The following FSTL5 variants were observed in gnomAD, a reference collection of about 807,000 sequenced individuals.
FSTL5 encodes follistatin-related protein 5.
FSTL5 carries 62 observed loss-of-function variants against 89.1 expected under a neutral mutation model. The observed-to-expected ratio is 0.70, with a 90% CI of 0.57 to 0.86. FSTL5 has a LOEUF of 0.86. Among genes scored for constraint, FSTL5 ranks in the 40% least tolerant of loss-of-function variants. The pLI is 0.00. For synonymous variants in FSTL5, 383 were observed against 346.2 expected, an observed-to-expected ratio of 1.11 and a Z score of -1.18; for missense variants, 1,057 against 1,001.6, an observed-to-expected ratio of 1.06 and a Z score of -0.75.
At chr4:161,808,641 G>C (rs150641125) in intron 4 of FSTL5, among the ~76,000 whole-genome samples, 159 of 151,428 alleles carry the variant, frequency 1.0e-3, no homozygotes, top group Middle Eastern at 3.4e-3. Flanking sequence ...AAAAAACCCA[G>C]ATAAAATGAA....
chr4:161,661,914 AG>A (rs1231957882), intron 6 of FSTL5, among the ~76,000 whole-genome samples: 3 of 152,338 alleles, frequency 2.0e-5, no homozygotes, highest in Admixed American at 6.5e-5. Context: ...AAAGCATTAG[AG>A]AAATATCAGA....
intron 2 of FSTL5, among the ~76,000 whole-genome samples, chr4:162,061,653 G>T (rs1738721562): frequency 6.6e-6 from 1 of 151,992 alleles, no homozygotes; most frequent in African/African-American, 2.4e-5. Context: ...CAAAAATTAA[G>T]AATTTTAAGA....
intron 4 of FSTL5, among the ~76,000 whole-genome samples, chr4:161,812,145 G>A (rs549934591): frequency 2.0e-5 from 3 of 152,104 alleles, no homozygotes; most frequent in East Asian, 1.9e-4. Context: ...ATTGGTCCCC[G>A]AATTGCATTT....
intron 3 of FSTL5, among the ~76,000 whole-genome samples, chr4:162,006,275 C>A (rs11100406): frequency 0.18 from 27,521 of 151,736 alleles, 2,719 homozygotes; most frequent in East Asian, 0.31. Context: ...TAAGTGTATA[C>A]AAGGACTTTC....
At chr4:161,577,039 A>C (rs1388843183) in intron 8 of FSTL5, among the ~76,000 whole-genome samples, 1 of 152,182 alleles carries the variant, frequency 6.6e-6, no homozygotes, top group Admixed American at 6.5e-5. Flanking sequence ...TGTTATAGGA[A>C]ATCTATATCT....
intron 10 of FSTL5, among the ~76,000 whole-genome samples, chr4:161,522,634 A>G (rs557175485): frequency 2.0e-5 from 3 of 151,674 alleles, no homozygotes; most frequent in Non-Finnish European, 4.4e-5. Flanking sequence ...TAGTCAGCAA[A>G]GAAAAATTAT....
At chr4:161,415,115 A>G (rs1230599630) in intron 15 of FSTL5, among the ~76,000 whole-genome samples, 1 of 152,192 alleles carries the variant, frequency 6.6e-6, no homozygotes, top group East Asian at 1.9e-4. Context: ...CAAAAATACA[A>G]ATATCACTCA....
chr4:162,146,014 T>TCA (rs1023266861), intron 1 of FSTL5, among the ~76,000 whole-genome samples: 1 of 152,188 alleles, frequency 6.6e-6, no homozygotes, highest in Non-Finnish European at 1.5e-5. Flanking sequence ...TAAAACTATT[T>TCA]CACAGTTTCA....
intron 13 of FSTL5, among the ~76,000 whole-genome samples, chr4:161,463,429 C>A (rs1057005645): frequency 2.0e-5 from 3 of 151,966 alleles, no homozygotes; most frequent in African/African-American, 7.3e-5. Flanking sequence ...ACATTTTATA[C>A]AAGAAACATT....
At chr4:161,854,685 C>T (rs142405288) in intron 4 of FSTL5, among the ~76,000 whole-genome samples, 2 of 152,004 alleles carry the variant, frequency 1.3e-5, no homozygotes, top group Non-Finnish European at 2.9e-5. Flanking sequence ...AAAATACTAG[C>T]TGGCTTCATG....
intron 10 of FSTL5, 68 bp from the exon 11 acceptor site, chr4:161,510,492 T>C: frequency 1.2e-6 from 1 of 859,336 alleles, no homozygotes; most frequent in Non-Finnish European, 1.8e-6. Context: ...TATATGGTAA[T>C]ATAAATATTA....
chr4:161,719,525 A>C (rs1008889365), intron 6 of FSTL5, among the ~76,000 whole-genome samples: 1 of 152,204 alleles, frequency 6.6e-6, no homozygotes, highest in African/African-American at 2.4e-5. Flanking sequence ...AAATGCCATT[A>C]GAATTTTGAT....
Position 161,449,442 on chromosome 4 carries a change from T to TG in FSTL5, c.1841+5561dup, listed in dbSNP as rs200702593. On this transcript the variant is annotated intron_variant, in intron 15 of 15. Transcript: ENST00000306100. Reference sequence around the variant, plus strand: ...AATATAATCAAATGGTAGTTTGGGTTGGGGGGGATAGTTTCAAGAGTAGGT... The same window carrying TG: ...AATATAATCAAATGGTAGTTTGGGTTGGGGGGGGATAGTTTCAAGAGTAGGT... Among the ~76,000 whole-genome samples the TG allele has an allele frequency of 4.0e-3, 603 of 151,634 alleles. 1 individual carries two copies. The highest frequency in any genetic ancestry group is 0.013 in the African/African-American group (550 of 41,016).
At chr4:161,453,351 T>G (rs547387698) in intron 15 of FSTL5, among the ~76,000 whole-genome samples, 14 of 152,272 alleles carry the variant, frequency 9.2e-5, no homozygotes, top group African/African-American at 2.9e-4. Context: ...GTCAATAACT[T>G]GAAAATAACA....
intron 4 of FSTL5, among the ~76,000 whole-genome samples, chr4:161,890,954 G>T (rs1348996120): frequency 6.6e-6 from 1 of 151,786 alleles, no homozygotes; most frequent in Non-Finnish European, 1.5e-5. Flanking sequence ...TTAAATAAAG[G>T]CACTGATATT....
intron 3 of FSTL5, among the ~76,000 whole-genome samples, chr4:161,922,417 A>C (rs1278675729): frequency 1.3e-5 from 2 of 152,134 alleles, no homozygotes; most frequent in East Asian, 3.9e-4. Context: ...CTGAAATTAA[A>C]ATTTAAAAAA....
At chr4:161,447,644 T>G (rs886619148) in intron 15 of FSTL5, among the ~76,000 whole-genome samples, 4 of 152,064 alleles carry the variant, frequency 2.6e-5, no homozygotes, top group Non-Finnish European at 5.9e-5. Context: ...TAAAGAAGAT[T>G]GAAAGTATTG....
chr4:161,626,224 TAGAG>T (rs1413405132), intron 7 of FSTL5, among the ~76,000 whole-genome samples: 3 of 152,118 alleles, frequency 2.0e-5, no homozygotes, highest in South Asian at 4.1e-4. Context: ...GACTTGTAGT[TAGAG>T]AGAAGACAAT....
intron 6 of FSTL5, among the ~76,000 whole-genome samples, chr4:161,670,175 GA>G (rs1351020936): frequency 6.6e-6 from 1 of 152,122 alleles, no homozygotes; most frequent in Admixed American, 6.5e-5. Context: ...GGTAGATTGG[GA>G]AGAGAAATTG....
Sources: allele counts gnomAD v4.1 joint callset (sites outside exome capture counted in the v4.1 genomes callset), GRCh38; gene constraint gnomAD v4.1.1; transcripts MANE v1.5; gene names NCBI Gene and HGNC (gene_info 2026-07-23, HGNC 2026-07-21).